EPHA3: variants seen among roughly 807,000 people sequenced by gnomAD.
The protein encoded by EPHA3 is ephrin type-A receptor 3.
A neutral mutation model predicts 107.1 loss-of-function variants in EPHA3; 42 were observed. That is an observed-to-expected ratio of 0.39 (90% CI 0.31 to 0.51). The LOEUF is 0.51. Ranked by LOEUF, EPHA3 falls within the 20% of genes least tolerant of loss-of-function variation. The pLI is 0.78. For synonymous variants in EPHA3, 461 were observed against 424.8 expected, an observed-to-expected ratio of 1.09 and a Z score of -1.05; for missense variants, 1,183 against 1,211.2, an observed-to-expected ratio of 0.98 and a Z score of 0.35.
At chr3:89,428,993 G>A (rs1455068560) in intron 11 of EPHA3, 113 bp from the exon 12 acceptor site, 1 of 641,838 alleles carries the variant, frequency 1.6e-6, no homozygotes, top group Non-Finnish European at 2.3e-6. Context: ...TTAGAAGACA[G>A]GCAAAGTTCT....
In EPHA3 at chr3:89,479,593, G is replaced by A. The variant is rs1710586620; in HGVS notation, c.*91G>A. 1 of 991,594 alleles carries A rather than the reference G, an allele frequency of 1.0e-6. No individual in the cohort carries two copies. The highest frequency in any genetic ancestry group is 1.4e-5 in the South Asian group (1 of 70,282). The allele number at this position is 991,594 out of a possible 1,614,324, so 61.4% of individuals were successfully genotyped here. A position where few individuals can be genotyped will look rare whatever the true frequency, so the allele number is the denominator to read the frequency against. On this transcript the variant is annotated 3_prime_UTR_variant, in exon 17 of 17. Coordinates refer to ENST00000336596, the MANE Select transcript of EPHA3 (RefSeq NM_005233.6). ...ACAGACAATAATTCTGGAGATACTG[G>A]TGGAAGTTCCAAGTCCAATAAGACA...
intron 7 of EPHA3, among the ~76,000 whole-genome samples, chr3:89,406,281 G>C (rs1709052808): frequency 6.6e-6 from 1 of 152,116 alleles, no homozygotes; most frequent in African/African-American, 2.4e-5. Context: ...GTGTTCATAA[G>C]AAATATACAA....
intron 3 of EPHA3, among the ~76,000 whole-genome samples, chr3:89,223,583 A>C (rs1312719688): frequency 6.6e-6 from 1 of 152,152 alleles, no homozygotes; most frequent in Non-Finnish European, 1.5e-5. Flanking sequence ...TAAACCTGAG[A>C]TTTACCCAGC....
chr3:89,383,765 C>T (rs1482200672), intron 5 of EPHA3, among the ~76,000 whole-genome samples: 4 of 150,216 alleles, frequency 2.7e-5, no homozygotes, highest in Non-Finnish European at 4.4e-5. Flanking sequence ...TCTCCTGCCT[C>T]AGCCTCCCGA....
intron 3 of EPHA3, among the ~76,000 whole-genome samples, chr3:89,211,742 C>CTTCTT (rs1704098442): frequency 1.0e-4 from 2 of 19,538 alleles, no homozygotes; most frequent in African/African-American, 3.1e-4. Context: ...TTCTTCTTCT[C>CTTCTT]CTTCTTCTTC....
At chr3:89,158,846 C>G (rs1704860728) in intron 2 of EPHA3, among the ~76,000 whole-genome samples, 1 of 152,046 alleles carries the variant, frequency 6.6e-6, no homozygotes, top group Admixed American at 6.6e-5. Context: ...GGAGTGGAAA[C>G]TTGGTAGGCA....
intron 5 of EPHA3, among the ~76,000 whole-genome samples, chr3:89,367,915 C>G (rs1033123723): frequency 6.6e-6 from 1 of 150,662 alleles, no homozygotes; most frequent in African/African-American, 2.4e-5. Flanking sequence ...TATGGTGCTC[C>G]TCTGTTCTAA....
chr3:89,339,607 A>G (rs1707472522), intron 3 of EPHA3, among the ~76,000 whole-genome samples: 1 of 152,192 alleles, frequency 6.6e-6, no homozygotes, highest in Admixed American at 6.5e-5. Flanking sequence ...GTCTTATTTT[A>G]AGAAACTTTC....
At chr3:89,432,781 A>T (rs567921661) in intron 13 of EPHA3, among the ~76,000 whole-genome samples, 1 of 152,228 alleles carries the variant, frequency 6.6e-6, no homozygotes, top group African/African-American at 2.4e-5. Context: ...ATGGGATTAT[A>T]CTTTATATAC....
At chr3:89,390,182 G>T (rs1257224289) in intron 5 of EPHA3, among the ~76,000 whole-genome samples, 1 of 151,992 alleles carries the variant, frequency 6.6e-6, no homozygotes, top group African/African-American at 2.4e-5. Context: ...GTAGAGATGG[G>T]GTTTTGCCAT....
At chr3:89,342,254 C>T (rs958023548) in intron 5 of EPHA3, among the ~76,000 whole-genome samples, 164 bp downstream of exon 5, 1 of 152,030 alleles carries the variant, frequency 6.6e-6, no homozygotes, top group Admixed American at 6.6e-5. Flanking sequence ...TAATTTAATT[C>T]TTCAAGTGAG....
intron 9 of EPHA3, among the ~76,000 whole-genome samples, chr3:89,412,233 A>C (rs1709168890): frequency 6.6e-6 from 1 of 151,750 alleles, no homozygotes; most frequent in South Asian, 2.1e-4. Context: ...GAATCTTATT[A>C]ATATTAAATC....
intron 13 of EPHA3, among the ~76,000 whole-genome samples, chr3:89,433,118 A>G (rs1709601544): frequency 6.6e-6 from 1 of 152,122 alleles, no homozygotes; most frequent in South Asian, 2.1e-4. Flanking sequence ...ATCAAAACGT[A>G]TACAAGTATG....
chr3:89,338,366 C>T (rs560159614), intron 3 of EPHA3, among the ~76,000 whole-genome samples: 161 of 152,310 alleles, frequency 1.1e-3, no homozygotes, highest in African/African-American at 3.7e-3. Flanking sequence ...AATGGCGCTC[C>T]TTCTGTGGAG....
chr3:89,433,743 TG>T (rs755463082), intron 13 of EPHA3, among the ~76,000 whole-genome samples: 155 of 152,300 alleles, frequency 1.0e-3, no homozygotes, highest in Non-Finnish European at 1.8e-3. Context: ...TGTAGCTAGT[TG>T]AATTAAATTT....
chr3:89,312,245 A>C (rs1464051661), intron 3 of EPHA3, among the ~76,000 whole-genome samples: 1 of 152,020 alleles, frequency 6.6e-6, no homozygotes, highest in Non-Finnish European at 1.5e-5. Context: ...GATTATAATA[A>C]TGTTTGTCTT....
chr3:89,272,182 A>G (rs1705685934), intron 3 of EPHA3, among the ~76,000 whole-genome samples: 1 of 151,890 alleles, frequency 6.6e-6, no homozygotes, highest in Non-Finnish European at 1.5e-5. Flanking sequence ...AAAGTTATGC[A>G]TGGATTTTCA....
chr3:89,449,151 G>T (rs1261781747), intron 13 of EPHA3, 74 bp from the exon 14 acceptor site: 2 of 1,327,720 alleles, frequency 1.5e-6, no homozygotes, highest in Non-Finnish European at 2.0e-6. Context: ...ATTCTGTCCG[G>T]TTTCAGATTA....
At chr3:89,197,957 C>T (rs1490103113) in intron 2 of EPHA3, among the ~76,000 whole-genome samples, 3 of 151,912 alleles carry the variant, frequency 2.0e-5, no homozygotes, top group African/African-American at 4.8e-5. Context: ...GCCTGGGTGA[C>T]AGAGCAAGAC....
Sources: gnomAD v4.1 joint callset for allele counts (sites outside exome capture counted in the v4.1 genomes callset) on GRCh38, gnomAD v4.1.1 for gene constraint, MANE v1.5 for transcripts, NCBI Gene and HGNC (gene_info 2026-07-23, HGNC 2026-07-21) for gene names.